The following ADAM22 variants were observed in gnomAD, a reference collection of about 807,000 sequenced individuals.
ADAM22 encodes the protein disintegrin and metalloproteinase domain-containing protein 22.
A neutral mutation model predicts 144.6 loss-of-function variants in ADAM22; 65 were observed. The observed-to-expected ratio is 0.45, with a 90% confidence interval of 0.37 to 0.55. ADAM22 has a LOEUF of 0.55. Among genes scored for constraint, ADAM22 ranks in the 20% least tolerant of loss-of-function variants. The probability of loss-of-function intolerance (pLI) is 0.00; values close to 1 mark genes in which losing one functional copy is unlikely to be tolerated. For synonymous variants in ADAM22, 391 were observed against 412.6 expected (o/e 0.95, Z 0.63); for missense variants, 974 against 1,184.9 (o/e 0.82, Z 2.61).
At chr7:88,140,873 T>C (rs1834415908) in intron 14 of ADAM22, among the ~76,000 whole-genome samples, 1 of 152,144 alleles carries the variant, frequency 6.6e-6, no homozygotes, top group Non-Finnish European at 1.5e-5. Context: ...GTGAGAGTTT[T>C]ATTACTAGTC....
chr7:88,117,730 A>G lies in ADAM22; in HGVS notation c.607+916A>G, dbSNP rs192766990. On this transcript the variant is annotated intron_variant, in intron 7 of 31. Transcript: ENST00000413139. ...TTTTTTTGAGACAAAGTCTTGCTCTATCGCCCAGGCTGGAATGCAGTGACG... is the reference window on the plus strand; with the variant it reads ...TTTTTTTGAGACAAAGTCTTGCTCTGTCGCCCAGGCTGGAATGCAGTGACG... Among the ~76,000 whole-genome samples, 445 of 142,958 alleles carry G rather than the reference A, an allele frequency of 3.1e-3. 2 individuals carry two copies. The highest frequency in any genetic ancestry group is 0.011 in the African/African-American group (430 of 38,126). 93.8% of individuals were successfully genotyped at this position (142,958 alleles called of 152,430 possible).
intron 2 of ADAM22, chr7:87,964,530 C>A: frequency 3.2e-6 from 1 of 315,916 alleles, no homozygotes. Context: ...TCTAGAGTCT[C>A]TTTTATTACC....
chr7:87,967,337 A>G (rs976086875), intron 2 of ADAM22, among the ~76,000 whole-genome samples: 3 of 152,218 alleles, frequency 2.0e-5, no homozygotes, highest in Admixed American at 6.5e-5. Flanking sequence ...AGAATTGGCC[A>G]TACTTTAGAC....
chr7:87,963,442 T>C lies in ADAM22; in HGVS notation c.247-14894T>C, dbSNP rs144292605. 2.0e-5 allele frequency among the ~76,000 whole-genome samples: 3 copies of C among 152,098 alleles called. No individual in the cohort carries two copies. In the East Asian group the frequency reaches 5.8e-4, roughly 29 times the overall value. Reference sequence around the variant, plus strand: ...ATTTGCCTCAGAGCAACAAGAAGTTTAAAAAAAACTATTATAAAATATAGA... The same window carrying C: ...ATTTGCCTCAGAGCAACAAGAAGTTCAAAAAAAACTATTATAAAATATAGA... On this transcript the variant is annotated intron_variant, in intron 2 of 31. Transcript: ENST00000413139.
intron 3 of ADAM22, among the ~76,000 whole-genome samples, chr7:88,010,426 G>A (rs1396152993): frequency 2.0e-5 from 3 of 152,048 alleles, no homozygotes; most frequent in African/African-American, 7.2e-5. Flanking sequence ...CCTAAAGGTC[G>A]CCTGGATTTA....
chr7:88,085,133 A>G (rs1173983947), intron 4 of ADAM22, among the ~76,000 whole-genome samples: 1 of 152,206 alleles, frequency 6.6e-6, no homozygotes, highest in Non-Finnish European at 1.5e-5. Flanking sequence ...TTGGGGGAAC[A>G]CAATCCACCT....
At chr7:88,110,343 GT>G (rs200050410) in intron 5 of ADAM22, among the ~76,000 whole-genome samples, 26 of 151,770 alleles carry the variant, frequency 1.7e-4, no homozygotes, top group African/African-American at 4.8e-4. Flanking sequence ...AAAATGAAGT[GT>G]TTTTTTTCCC....
At chr7:87,946,646 A>C (rs1286818573) in intron 2 of ADAM22, among the ~76,000 whole-genome samples, 1 of 152,160 alleles carries the variant, frequency 6.6e-6, no homozygotes, top group Non-Finnish European at 1.5e-5. Context: ...ACTTTGTTGA[A>C]GATCAGATGG....
At chr7:88,147,929 G>T (rs1014605923) in intron 17 of ADAM22, among the ~76,000 whole-genome samples, 2 of 152,132 alleles carry the variant, frequency 1.3e-5, no homozygotes, top group African/African-American at 4.8e-5. Flanking sequence ...GATGAGCAGG[G>T]TTCTTGTGTT....
At position 87,935,286 on chromosome 7, in the gene ADAM22, G is replaced by A; in HGVS notation, c.246+100G>A. On this transcript the variant is annotated intron_variant, in intron 2 of 31. Transcript: ENST00000413139. Reference sequence around the variant, plus strand: ...CCCTGGAGATCCCATGTCTTCTTGGGTGAAATGAGTTGGGTCCCGATGCGA... The same window carrying A: ...CCCTGGAGATCCCATGTCTTCTTGGATGAAATGAGTTGGGTCCCGATGCGA... 3 of 1,333,154 alleles carry A rather than the reference G, an allele frequency of 2.3e-6. No individual in the cohort carries two copies. In the South Asian group the frequency reaches 4.5e-5, roughly 20 times the overall value. 82.6% of individuals were successfully genotyped at this position (1,333,154 alleles called of 1,614,324 possible). A position where few individuals can be genotyped will look rare whatever the true frequency, so the allele number is the denominator to read the frequency against.
chr7:88,186,655 A>T lies in ADAM22; in HGVS notation c.2704A>T (p.Lys902Ter). 6.2e-7 allele frequency: 1 copy of T among 1,612,566 alleles called. No homozygotes were observed. Among genetic ancestry groups the T allele is most frequent in the South Asian group, 1.1e-5 (1 of 91,050 alleles). Reference protein sequence around the residue: ...PWFKRDYNVAKWVEDVNKNTE... With the variant: ...PWFKRDYNVA ...GTTCAAAAGAGACTATAATGTAGCTAAGTGGGTAGAAGATGTGAATAAAAA... is the reference window on the plus strand; with the variant it reads ...GTTCAAAAGAGACTATAATGTAGCTTAGTGGGTAGAAGATGTGAATAAAAA... The change falls in exon 30 of 32, where the codon AAG becomes TAG. Residue 902 changes from lysine (K) to a stop codon, truncating the protein, a stop_gained. Coordinates refer to ENST00000413139, the MANE Select transcript of ADAM22 (RefSeq NM_001324418.2). LOFTEE classifies it high-confidence loss of function.
intron 4 of ADAM22, among the ~76,000 whole-genome samples, chr7:88,082,889 G>A (rs989462647): frequency 2.6e-5 from 4 of 152,140 alleles, no homozygotes; most frequent in Non-Finnish European, 5.9e-5. Context: ...CACTGTTGGT[G>A]GGACTGTAAA....
intron 4 of ADAM22, among the ~76,000 whole-genome samples, chr7:88,103,298 C>A (rs1823453025): frequency 6.6e-6 from 1 of 151,946 alleles, no homozygotes; most frequent in African/African-American, 2.4e-5. Flanking sequence ...GTGTAACTTC[C>A]TTTGTGTTAT....
intron 3 of ADAM22, among the ~76,000 whole-genome samples, chr7:87,986,491 T>G (rs1788524332): frequency 6.6e-6 from 1 of 152,194 alleles, no homozygotes; most frequent in Non-Finnish European, 1.5e-5. Context: ...AAATTGTTTC[T>G]GAAGGGGTAT....
chr7:87,956,569 A>G (rs1223236316), intron 2 of ADAM22, among the ~76,000 whole-genome samples: 1 of 152,154 alleles, frequency 6.6e-6, no homozygotes, highest in East Asian at 1.9e-4. Flanking sequence ...CCTTTTCATC[A>G]CTTCAAAAAG....
chr7:88,183,302 C>T (rs1299864093), intron 29 of ADAM22, among the ~76,000 whole-genome samples: 1 of 152,134 alleles, frequency 6.6e-6, no homozygotes, highest in Non-Finnish European at 1.5e-5. Context: ...CTAGTAAGAG[C>T]TCCTTAACTT....
chr7:88,032,709 A>G (rs1180795361), intron 3 of ADAM22, among the ~76,000 whole-genome samples: 1 of 152,174 alleles, frequency 6.6e-6, no homozygotes, highest in Non-Finnish European at 1.5e-5. Context: ...ATGTTGAATT[A>G]TAATTCCCAG....
At chr7:87,946,744 A>C (rs1843767418) in intron 2 of ADAM22, among the ~76,000 whole-genome samples, 1 of 152,204 alleles carries the variant, frequency 6.6e-6, no homozygotes, top group Non-Finnish European at 1.5e-5. Context: ...TTCTACCAAA[A>C]AGACACATGC....
At chr7:88,166,183 G>C (rs527489744) in intron 24 of ADAM22, among the ~76,000 whole-genome samples, 15 of 152,118 alleles carry the variant, frequency 9.9e-5, no homozygotes, top group Non-Finnish European at 1.8e-4. Flanking sequence ...ACTTCATTCT[G>C]AGATTTTTCT....
Sources: gnomAD v4.1 joint callset for allele counts (sites outside exome capture counted in the v4.1 genomes callset) on GRCh38, gnomAD v4.1.1 for gene constraint, MANE v1.5 for transcripts, NCBI Gene and HGNC (gene_info 2026-07-23, HGNC 2026-07-21) for gene names.